MSH6: variants seen among roughly 807,000 people sequenced by gnomAD.
MSH6 encodes the protein DNA mismatch repair protein Msh6.
Under a neutral mutation model 119.1 loss-of-function variants are expected in MSH6, and 85 were observed. The ratio of observed to expected loss-of-function variants is 0.71; its 90% CI spans 0.60 to 0.85. The LOEUF (loss-of-function observed/expected upper bound fraction) is 0.85, where lower values mean the gene tolerates loss of function less well. MSH6 is among the 40% of genes least tolerant of loss of function. The pLI, the probability that MSH6 is intolerant of heterozygous loss-of-function variation, is 0.00. For synonymous variants in MSH6, 830 were observed against 586.9 expected, an observed-to-expected ratio of 1.41 and a Z score of -5.99; for missense variants, 2,163 against 1,655.3, an observed-to-expected ratio of 1.31 and a Z score of -5.32.
chr2:47,797,185 G>A (rs3136324), intron 3 of MSH6, among the ~76,000 whole-genome samples: 8 of 152,102 alleles, frequency 5.3e-5, no homozygotes, highest in African/African-American at 9.7e-5. Flanking sequence ...AATTCTTCCA[G>A]TGTGGCCCAG....
At chr2:47,804,336 C>G (rs1380259977) in intron 5 of MSH6, among the ~76,000 whole-genome samples, 1 of 152,060 alleles carries the variant, frequency 6.6e-6, no homozygotes, top group Admixed American at 6.5e-5. Context: ...CAGGGGTTGA[C>G]CAGCCACAGA....
intron 1 of MSH6, chr2:47,783,931 T>A: frequency 9.9e-7 from 1 of 1,013,160 alleles, no homozygotes; most frequent in Non-Finnish European, 1.2e-6. Flanking sequence ...GAAGGAGGAA[T>A]GCCTGCGGGA....
chr2:47,802,486 A>G (rs1459704599), intron 4 of MSH6, among the ~76,000 whole-genome samples: 1 of 151,802 alleles, frequency 6.6e-6, no homozygotes, highest in African/African-American at 2.4e-5. Context: ...GGTCACCATC[A>G]CACCTGGCTA....
chr2:47,801,371 T>TTTTTTTTTTC, intron 4 of MSH6: 1 of 471,250 alleles, frequency 2.1e-6, no homozygotes, highest in Non-Finnish European at 3.7e-6. Flanking sequence ...GTTTTTTTTT[T>TTTTTTTTTTC]TTTTTTTTTT....
intron 3 of MSH6, among the ~76,000 whole-genome samples, chr2:47,798,309 A>G (rs944863158): frequency 6.6e-5 from 10 of 152,218 alleles, no homozygotes; most frequent in African/African-American, 2.4e-4. Flanking sequence ...TACATAAACT[A>G]AAAACGTGTT....
chr2:47,788,917 T>TTTTTTTTTTTTTTTTTTTTTGTTTTG (rs1668539543), intron 1 of MSH6, among the ~76,000 whole-genome samples: 1 of 57,880 alleles, frequency 1.7e-5, no homozygotes, highest in African/African-American at 6.4e-5. Flanking sequence ...CTTTTTTTTT[T>TTTTTTTTTTTTTTTTTTTTTGTTTTG]TTTTGTTTTT....
chr2:47,791,797 C>T (rs1230353253), intron 2 of MSH6, among the ~76,000 whole-genome samples: 1 of 151,456 alleles, frequency 6.6e-6, no homozygotes, highest in African/African-American at 2.4e-5. Context: ...CTACCTCAGC[C>T]TCCCGAGTAG....
rs762134820 is a variant in MSH6 at position 47,804,921 on chromosome 2, A to T, written c.3450A>T (p.Leu1150Phe). 1.2e-6 allele frequency: 2 copies of T among 1,613,812 alleles called. No homozygotes were observed. Among genetic ancestry groups the T allele is most frequent in the Admixed American group, 3.3e-5 (2 of 59,998 alleles). Residue 1150 changes from leucine (L) to phenylalanine (F), a missense_variant, in exon 6 of 10, where the codon TTA becomes TTT. Physicochemically the swap from Leu to Phe is conservative, Grantham distance 22. Coordinates refer to ENST00000234420, the MANE Select transcript of MSH6 (RefSeq NM_000179.3). ...TCCCTCATTCACAGGCTGGCTTATT[A>T]GCTGTAATGGCCCAGATGGGTTGTT... ...KSTLMRQAGL[L>F]AVMAQMGCYV...
At chr2:47,788,673 GA>G (rs1275441240) in intron 1 of MSH6, among the ~76,000 whole-genome samples, 1 of 147,970 alleles carries the variant, frequency 6.8e-6, no homozygotes, top group Non-Finnish European at 1.5e-5. Flanking sequence ...GGGTTCAAGG[GA>G]GTCTCCTGCT....
At chr2:47,784,088 G>T (rs1668195355) in intron 1 of MSH6, 1 of 1,008,196 alleles carries the variant, frequency 9.9e-7, no homozygotes. Flanking sequence ...CCTTGGGGAC[G>T]GTGGGCCTTC....
intron 2 of MSH6, among the ~76,000 whole-genome samples, chr2:47,793,346 A>AAAC (rs1668867502): frequency 7.1e-6 from 1 of 140,634 alleles, no homozygotes; most frequent in South Asian, 2.2e-4. Flanking sequence ...AAAAAAAAAA[A>AAAC]AGGCTGGGCA....
At chr2:47,797,174 C>G (rs754498163) in intron 3 of MSH6, among the ~76,000 whole-genome samples, 2 of 152,126 alleles carry the variant, frequency 1.3e-5, no homozygotes, top group Non-Finnish European at 2.9e-5. Context: ...TGGCCTAAGA[C>G]AATTCTTCCA....
Position 47,799,808 on chromosome 2 carries a change from C to G in MSH6, c.1825C>G (p.Leu609Val), listed in dbSNP as rs1426910114. Residue 609 changes from leucine (L) to valine (V), a missense_variant, in exon 4 of 10, where the codon CTA (leucine) becomes GTA (valine). Physicochemically the swap from Leu to Val is conservative, Grantham distance 32. Coordinates refer to ENST00000234420, the MANE Select transcript of MSH6 (RefSeq NM_000179.3). ...TCTCTCAAAGGAAACTAAAACAATT[C>G]TAAAGAGTTCATTGTCCTGTTCTCT... Reference protein sequence around the residue: ...GNLSKETKTILKSSLSCSLQE... With the variant: ...GNLSKETKTIVKSSLSCSLQE... The G allele has an allele frequency of 6.2e-7, 1 of 1,614,206 alleles. No individual in the cohort carries two copies. The highest frequency in any genetic ancestry group is 8.5e-7 in the Non-Finnish European group (1 of 1,180,028).
Position 47,800,940 on chromosome 2 carries a change from C to G in MSH6, c.2957C>G (p.Thr986Ser), listed in dbSNP as rs1558667371. The G allele has an allele frequency of 2.5e-6, 4 of 1,574,774 alleles. No homozygotes were observed. The highest frequency in any genetic ancestry group is 2.4e-5 in the South Asian group (2 of 84,404). Residue 986 changes from threonine (T) to serine (S), a missense_variant, in exon 4 of 10, where the codon ACC becomes AGC. Thr to Ser is a moderately conservative substitution (Grantham distance 58, BLOSUM62 1). Coordinates refer to ENST00000234420, the MANE Select transcript of MSH6 (RefSeq NM_000179.3). ...RYQLEIPENF[T>S]TRNLPEEYEL... ...CAGCTGGAAATTCCTGAGAATTTCA[C>G]CACTCGCAATTTGCCAGAAGAATAC...
chr2:47,786,491 C>T (rs965906188), intron 1 of MSH6, among the ~76,000 whole-genome samples: 1 of 142,622 alleles, frequency 7.0e-6, no homozygotes, highest in Admixed American at 7.2e-5. Context: ...CCTGCCACCA[C>T]GCCCAGCTAA....
rs774249402 is a variant in MSH6, at chr2:47,806,242, A to C, written c.3685A>C (p.Asn1229His). Residue 1229 changes from asparagine (N) to histidine (H), a missense_variant, in exon 8 of 10, where the codon AAT becomes CAT. Transcript: ENST00000234420. ...AACATTTGATGGGACGGCAATAGCAAATGCAGTTGTTAAAGAACTTGCTGA... is the reference window on the plus strand; with the variant it reads ...AACATTTGATGGGACGGCAATAGCACATGCAGTTGTTAAAGAACTTGCTGA... ...TATFDGTAIA[N>H]AVVKELAETI... is the part of the protein sequence containing the mutation. 50 of 1,614,154 alleles carry C rather than the reference A, an allele frequency of 3.1e-5. No individual in the cohort carries two copies. The highest frequency in any genetic ancestry group is 4.2e-5 in the Non-Finnish European group (49 of 1,179,978).
Position 47,800,468 on chromosome 2 carries a change from G to T in MSH6, c.2485G>T (p.Gly829Trp), listed in dbSNP as rs1669469151. ...ERLLSKIHNV[G>W]SPLKSQNHPD... ...GCTACTCAGTAAAATTCATAATGTTGGGTCTCCCCTGAAGAGTCAGAACCA... is the reference window on the plus strand; with the variant it reads ...GCTACTCAGTAAAATTCATAATGTTTGGTCTCCCCTGAAGAGTCAGAACCA... The change falls in exon 4 of 10, where the codon GGG becomes TGG. Residue 829 changes from glycine (G) to tryptophan (W), a missense_variant. By Grantham distance (184) the Gly-to-Trp change is radical. Transcript: ENST00000234420. 1 of 1,613,388 alleles carries T rather than the reference G, an allele frequency of 6.2e-7. No individual in the cohort carries two copies. The highest frequency in any genetic ancestry group is 1.1e-5 in the South Asian group (1 of 91,056).
chr2:47,788,930 T>TTTTTGTTTTGTTTTG (rs1558650260), intron 1 of MSH6, among the ~76,000 whole-genome samples: 2 of 92,722 alleles, frequency 2.2e-5, no homozygotes, highest in African/African-American at 1.0e-4. Flanking sequence ...TTGTTTTTTT[T>TTTTTGTTTTGTTTTG]TTTTTTTTTT....
intron 1 of MSH6, among the ~76,000 whole-genome samples, chr2:47,788,570 C>CTTTTTTT (rs531963943): frequency 2.1e-4 from 22 of 104,872 alleles, no homozygotes; most frequent in African/African-American, 3.6e-4. Context: ...TTTTCTTTTT[C>CTTTTTTT]TTTTTTTTTT....
Sources: allele counts gnomAD v4.1 joint callset (sites outside exome capture counted in the v4.1 genomes callset), GRCh38; gene constraint gnomAD v4.1.1; transcripts MANE v1.5; gene names NCBI Gene and HGNC (gene_info 2026-07-23, HGNC 2026-07-21).